PLA2G4A: variants seen among roughly 807,000 people sequenced by gnomAD.
The protein encoded by PLA2G4A is phospholipase A2 group IVA, also known as cytosolic phospholipase A2.
In PLA2G4A, 40 loss-of-function variants were observed where a neutral mutation model predicts 81.9. The ratio of observed to expected loss-of-function variants is 0.49; its 90% CI spans 0.38 to 0.64. PLA2G4A has a LOEUF of 0.64. PLA2G4A is among the 30% of genes least tolerant of loss of function. The pLI is 0.00. For missense variants in PLA2G4A, 715 were observed against 905.1 expected (o/e 0.79, Z 2.69); for synonymous variants, 302 against 296.9 (o/e 1.02, Z -0.18).
At chr1:186,943,595 G>A (rs1458571537) in intron 10 of PLA2G4A, among the ~76,000 whole-genome samples, 1 of 152,136 alleles carries the variant, frequency 6.6e-6, no homozygotes, top group Non-Finnish European at 1.5e-5. Flanking sequence ...GTAAGAAAGG[G>A]TGATGAAACT....
chr1:186,967,109 C>T (rs1029625618), intron 15 of PLA2G4A, among the ~76,000 whole-genome samples: 1 of 152,154 alleles, frequency 6.6e-6, no homozygotes, highest in Non-Finnish European at 1.5e-5. Flanking sequence ...TAGCCCAGGT[C>T]AGGTCCTCTG....
At chr1:186,847,555 G>A (rs965682691) in intron 1 of PLA2G4A, among the ~76,000 whole-genome samples, 33 of 152,210 alleles carry the variant, frequency 2.2e-4, no homozygotes, top group Non-Finnish European at 3.5e-4. Flanking sequence ...TTTAAGACAT[G>A]CACTACTAAA....
intron 4 of PLA2G4A, among the ~76,000 whole-genome samples, chr1:186,893,509 C>T (rs1654221063): frequency 6.6e-6 from 1 of 152,128 alleles, no homozygotes; most frequent in African/African-American, 2.4e-5. Flanking sequence ...CGATTTTCTG[C>T]ATTAATATCT....
intron 3 of PLA2G4A, among the ~76,000 whole-genome samples, chr1:186,883,649 G>C (rs1653823619): frequency 6.6e-6 from 1 of 152,160 alleles, no homozygotes. Context: ...TTGAGGTGGA[G>C]AAAGCTGGTG....
At chr1:186,832,834 T>C (rs1291212791) in intron 1 of PLA2G4A, among the ~76,000 whole-genome samples, 1 of 152,210 alleles carries the variant, frequency 6.6e-6, no homozygotes, top group Non-Finnish European at 1.5e-5. Context: ...ACAATATAGA[T>C]GAAATTTTGA....
chr1:186,889,861 T>C (rs981722595), intron 3 of PLA2G4A, among the ~76,000 whole-genome samples: 1 of 152,084 alleles, frequency 6.6e-6, no homozygotes, highest in Admixed American at 6.6e-5. Flanking sequence ...CCTCTTTCCA[T>C]AGAATCCATA....
intron 3 of PLA2G4A, among the ~76,000 whole-genome samples, chr1:186,886,456 G>A (rs913083530): frequency 3.3e-5 from 5 of 152,114 alleles, no homozygotes; most frequent in Non-Finnish European, 7.4e-5. Context: ...GTTGACAATC[G>A]TAAAAGCTGC....
chr1:186,893,163 A>G lies in PLA2G4A; in HGVS notation c.264+4A>G. ...TAATCAGGAAAATGTTTTGGAGGTA[A>G]GTGAACCATTTGGATGCTGTTAGAT... On this transcript the variant is annotated splice_donor_region_variant and intron_variant, in intron 4 of 17. Coordinates refer to ENST00000367466, the MANE Select transcript of PLA2G4A (RefSeq NM_024420.3). 6.2e-7 allele frequency: 1 copy of G among 1,610,812 alleles called. No homozygotes were observed. The highest frequency in any genetic ancestry group is 8.5e-7 in the Non-Finnish European group (1 of 1,177,070).
At chr1:186,937,934 G>T (rs1656012872) in intron 8 of PLA2G4A, among the ~76,000 whole-genome samples, 1 of 152,024 alleles carries the variant, frequency 6.6e-6, no homozygotes, top group South Asian at 2.1e-4. Flanking sequence ...TATAGTAGGG[G>T]CCTAAGAAGA....
At chr1:186,950,234 TTC>T (rs1270020691) in intron 12 of PLA2G4A, among the ~76,000 whole-genome samples, 1 of 152,186 alleles carries the variant, frequency 6.6e-6, no homozygotes, top group African/African-American at 2.4e-5. Context: ...GTATCTTTCA[TTC>T]ATTTTAAGAA....
chr1:186,970,251 A>C (rs1346678994), intron 15 of PLA2G4A, among the ~76,000 whole-genome samples: 2 of 151,748 alleles, frequency 1.3e-5, no homozygotes, highest in African/African-American at 2.4e-5. Context: ...CCGTTTAAAA[A>C]TCCGATTGTT....
intron 1 of PLA2G4A, among the ~76,000 whole-genome samples, chr1:186,835,232 TG>T (rs763746308): frequency 7.9e-5 from 12 of 152,204 alleles, no homozygotes; most frequent in Non-Finnish European, 1.6e-4. Flanking sequence ...GGCAGTAAAC[TG>T]GGATGTTCAC....
chr1:186,956,820 T>A (rs1656772075), intron 14 of PLA2G4A, among the ~76,000 whole-genome samples: 1 of 152,128 alleles, frequency 6.6e-6, no homozygotes, highest in African/African-American at 2.4e-5. Flanking sequence ...GGCCTGGATT[T>A]TTTTTTAAAG....
At chr1:186,850,942 A>C (rs561918791) in intron 1 of PLA2G4A, among the ~76,000 whole-genome samples, 1 of 152,228 alleles carries the variant, frequency 6.6e-6, no homozygotes, top group South Asian at 2.1e-4. Flanking sequence ...CAGATAGTAC[A>C]TCTTTCAAGT....
chr1:186,972,026 G>T (rs1333514769), intron 15 of PLA2G4A, among the ~76,000 whole-genome samples: 1 of 152,050 alleles, frequency 6.6e-6, no homozygotes. Context: ...AGCACTTCGT[G>T]TAGTTAAATG....
At chr1:186,946,572 A>G (rs1321770426) in intron 10 of PLA2G4A, 65 bp from the exon 11 acceptor site, 7 of 1,092,738 alleles carry the variant, frequency 6.4e-6, no homozygotes, top group Non-Finnish European at 8.5e-6. Flanking sequence ...GTGATCATTA[A>G]TTGTGCACAC....
At position 186,979,309 on chromosome 1, in the gene PLA2G4A, A is replaced by G. The variant is rs201740579; in HGVS notation, c.1961-6A>G. ...TAACACCCTTTGTGACTCTTCTGGT[A>G]TTTAGGTGTTCCAAGGGAAACTGAG... On this transcript the variant is annotated splice_region_variant and splice_polypyrimidine_tract_variant and intron_variant, in intron 16 of 17. Coordinates refer to ENST00000367466, the MANE Select transcript of PLA2G4A (RefSeq NM_024420.3). 179 of 1,604,274 alleles carry G rather than the reference A, an allele frequency of 1.1e-4. No homozygotes were observed. Among genetic ancestry groups the G allele is most frequent in the Middle Eastern group, 3.3e-4 (2 of 6,072 alleles).
At chr1:186,860,166 A>G (rs575314696) in intron 2 of PLA2G4A, among the ~76,000 whole-genome samples, 9 of 152,302 alleles carry the variant, frequency 5.9e-5, no homozygotes, top group Admixed American at 5.9e-4. Flanking sequence ...TTTATTAAGT[A>G]TGTGGTATTA....
At chr1:186,903,032 G>C (rs980374002) in intron 5 of PLA2G4A, among the ~76,000 whole-genome samples, 13 of 152,154 alleles carry the variant, frequency 8.5e-5, no homozygotes, top group Admixed American at 2.0e-4. Flanking sequence ...CTCCTTGTCA[G>C]ATCCACATCC....
Sources: allele counts gnomAD v4.1 joint callset (sites outside exome capture counted in the v4.1 genomes callset), GRCh38; gene constraint gnomAD v4.1.1; transcripts MANE v1.5; gene names NCBI Gene and HGNC (gene_info 2026-07-23, HGNC 2026-07-21).